Variants in PXK observed in about 807,000 individuals in gnomAD.
PXK encodes PX domain-containing protein kinase-like protein.
A neutral mutation model predicts 84.7 loss-of-function variants in PXK; 35 were observed. The observed-to-expected ratio is 0.41, with a 90% CI of 0.32 to 0.55. PXK has a LOEUF of 0.55. Among genes scored for constraint, PXK ranks in the 20% least tolerant of loss-of-function variants. The pLI is 0.21. For synonymous variants in PXK, 253 were observed against 260.8 expected, an observed-to-expected ratio of 0.97 and a Z score of 0.29; for missense variants, 634 against 699.7, an observed-to-expected ratio of 0.91 and a Z score of 1.06.
At chr3:58,356,521 G>A (rs1435305850) in intron 1 of PXK, among the ~76,000 whole-genome samples, 1 of 152,116 alleles carries the variant, frequency 6.6e-6, no homozygotes, top group East Asian at 1.9e-4. Flanking sequence ...TTCAAATGTC[G>A]AGTTTCTGCT....
chr3:58,424,874 G>T lies in PXK; in HGVS notation c.1651G>T (p.Ala551Ser). Residue 551 changes from alanine to serine, a missense_variant, in exon 18 of 18, where the codon GCC becomes TCC. Around this residue, in one of 3 missense-constraint regions of PXK, gnomAD observed 273 missense variants for 283.6 expected, o/e 0.96. Coordinates refer to ENST00000356151, the MANE Select transcript of PXK (RefSeq NM_017771.5). ...SQAVNGMSRG[A>S]LLSSIQNFQK... is the part of the protein sequence containing the mutation. ...GGCTGTGAATGGCATGAGCCGAGGGGCCTTGCTCAGCTCCATCCAGAATTT... is the reference window on the plus strand; with the variant it reads ...GGCTGTGAATGGCATGAGCCGAGGGTCCTTGCTCAGCTCCATCCAGAATTT... The T allele has an allele frequency of 6.2e-7, 1 of 1,614,232 alleles. No homozygotes were observed. Among genetic ancestry groups the T allele is most frequent in the Non-Finnish European group, 8.5e-7 (1 of 1,180,048 alleles).
intron 7 of PXK, among the ~76,000 whole-genome samples, chr3:58,393,840 T>G (rs1294406077): frequency 6.6e-6 from 1 of 152,232 alleles, no homozygotes; most frequent in Non-Finnish European, 1.5e-5. Flanking sequence ...CCGTATTTAC[T>G]TATTAGTTGG....
Position 58,397,109 on chromosome 3 carries a change from G to A in PXK, c.893G>A (p.Gly298Glu). 2 of 1,614,178 alleles carry A rather than the reference G, an allele frequency of 1.2e-6. No individual in the cohort carries two copies. The highest frequency in any genetic ancestry group is 1.7e-6 in the Non-Finnish European group (2 of 1,180,018). The change falls in exon 10 of 18, where the codon GGG becomes GAG. Residue 298 changes from glycine to glutamate, a missense_variant. Around this residue, in one of 3 missense-constraint regions of PXK, gnomAD observed 353 missense variants for 385.2 expected, o/e 0.92. Coordinates refer to ENST00000356151, the MANE Select transcript of PXK (RefSeq NM_017771.5). This position sits in a 1 kb window ranked among gnomAD's most constrained non-coding sequence, Gnocchi z 4.7. ...HLHASNVMLD[G>E]DTCRLLDLEN... ...CACGCCTCCAATGTGATGCTCGATG[G>A]GGACACTTGCCGGCTGCTGGACCTT...
intron 3 of PXK, among the ~76,000 whole-genome samples, chr3:58,372,923 C>T (rs1392847155): frequency 6.6e-6 from 1 of 152,088 alleles, no homozygotes; most frequent in Admixed American, 6.6e-5. Context: ...ATCAGATTAG[C>T]AGCCATCTAG....
rs1469130242 is a variant in PXK at position 58,409,914 on chromosome 3, G to C, written c.1396-176G>C. Among the ~76,000 whole-genome samples, 2 of 152,158 alleles carry C rather than the reference G, an allele frequency of 1.3e-5. No homozygotes were observed. The highest frequency in any genetic ancestry group is 2.9e-5 in the Non-Finnish European group (2 of 68,036). ...AGTCAGCATTTTTTGTTTTATTTCT[G>C]CCTTTAGTTTTGGCTGTGACTTCTT... On this transcript the variant is annotated intron_variant, in intron 15 of 17. Transcript: ENST00000356151. The surrounding 1 kb of genome is among the most constrained non-coding windows in gnomAD (Gnocchi z 4.2).
At chr3:58,354,738 G>A (rs1333334785) in intron 1 of PXK, among the ~76,000 whole-genome samples, 4 of 150,936 alleles carry the variant, frequency 2.7e-5, no homozygotes, top group East Asian at 2.0e-4. Context: ...ATGAGCCACC[G>A]CGCCTGGCCC....
In PXK at chr3:58,364,651, GC is replaced by G. The variant is rs1182590293; in HGVS notation, c.103-1222del. 1.3e-5 allele frequency among the ~76,000 whole-genome samples: 2 copies of G among 152,100 alleles called. No individual in the cohort carries two copies. The highest frequency in any genetic ancestry group is 2.9e-5 in the Non-Finnish European group (2 of 68,036). ...TGCTTGAACCCAGGAGGCGGAAGTGGCAGTGAGCTGAGATCGTGCCACTGCA... is the reference window on the plus strand; with the variant it reads ...TGCTTGAACCCAGGAGGCGGAAGTGGAGTGAGCTGAGATCGTGCCACTGCA... On this transcript the variant is annotated intron_variant, in intron 1 of 17. Transcript: ENST00000356151. This position sits in a 1 kb window ranked among gnomAD's most constrained non-coding sequence, Gnocchi z 4.3.
chr3:58,397,118 G>A lies in PXK; in HGVS notation c.902G>A (p.Cys301Tyr). The stretch of plus-strand genomic sequence containing the variant: ...AATGTGATGCTCGATGGGGACACTT[G>A]CCGGCTGCTGGACCTTGAGAATTCC... ...ASNVMLDGDTCRLLDLENSLL... is the reference protein window; with the variant it reads ...ASNVMLDGDTYRLLDLENSLL... The change falls in exon 10 of 18, where the codon TGC (cysteine) becomes TAC (tyrosine). Residue 301 changes from cysteine to tyrosine, a missense_variant. Cys to Tyr is a radical substitution (Grantham distance 194). This residue lies in a region of PXK where 353 missense variants were observed against 385.2 expected (regional missense o/e 0.92). Coordinates refer to ENST00000356151, the MANE Select transcript of PXK (RefSeq NM_017771.5). The surrounding 1 kb of genome is among the most constrained non-coding windows in gnomAD (Gnocchi z 4.7). 1 of 1,614,156 alleles carries A rather than the reference G, an allele frequency of 6.2e-7. No homozygotes were observed. Among genetic ancestry groups the A allele is most frequent in the East Asian group, 2.2e-5 (1 of 44,880 alleles).
chr3:58,354,123 C>G (rs915495570), intron 1 of PXK, among the ~76,000 whole-genome samples: 6 of 152,186 alleles, frequency 3.9e-5, no homozygotes, highest in African/African-American at 1.4e-4. Flanking sequence ...CCACCACTTT[C>G]TAGTCAAGGC....
rs559364413 is a variant in PXK, at chr3:58,354,991, C to T, written c.103-10883C>T. ...AAAATTAGCCAAGCATGGTGGTGTG[C>T]GCCTGTAGTCGCAGCTACTTGGGAG... On this transcript the variant is annotated intron_variant, in intron 1 of 17. Coordinates refer to ENST00000356151, the MANE Select transcript of PXK (RefSeq NM_017771.5). Among the ~76,000 whole-genome samples the T allele has an allele frequency of 6.6e-5, 10 of 152,012 alleles. No homozygotes were observed. The East Asian group carries it at 7.8e-4, about 12-fold the overall frequency.
Position 58,412,958 on chromosome 3 carries a change from C to T in PXK, c.1523C>T (p.Thr508Ile). Residue 508 changes from threonine (T) to isoleucine (I), a missense_variant, in exon 17 of 18, where the codon ACA (threonine) becomes ATA (isoleucine). Thr to Ile is a moderately conservative substitution (Grantham distance 89). Around this residue, in one of 3 missense-constraint regions of PXK, gnomAD observed 273 missense variants for 283.6 expected, o/e 0.96. Coordinates refer to ENST00000356151, the MANE Select transcript of PXK (RefSeq NM_017771.5). This position sits in a 1 kb window ranked among gnomAD's most constrained non-coding sequence, Gnocchi z 6.2. ...TSPSSPTPPSTSGISALPPPP... is the reference protein window; with the variant it reads ...TSPSSPTPPSISGISALPPPP... ...CCGTCATCGCCAACTCCACCCTCTA[C>T]ATCAGGTTAGTGATGGAGTAAAGTG... The T allele has an allele frequency of 6.2e-7, 1 of 1,614,158 alleles. No homozygotes were observed. Among genetic ancestry groups the T allele is most frequent in the Non-Finnish European group, 8.5e-7 (1 of 1,179,990 alleles).
rs553899755 is a variant in PXK, at chr3:58,379,021, C to G, written c.202-3493C>G. Reference sequence around the variant, plus strand: ...TACTGCAGCCTCCGCCTCCTGGGTTCAAGCAATTCTCCTGCCTCAGCCTCC... The same window carrying G: ...TACTGCAGCCTCCGCCTCCTGGGTTGAAGCAATTCTCCTGCCTCAGCCTCC... On this transcript the variant is annotated intron_variant, in intron 3 of 17. Transcript: ENST00000356151. The surrounding 1 kb of genome is among the most constrained non-coding windows in gnomAD (Gnocchi z 5.1). 1.3e-5 allele frequency among the ~76,000 whole-genome samples: 2 copies of G among 151,984 alleles called. No homozygotes were observed. The highest frequency in any genetic ancestry group is 4.2e-4 in the South Asian group (2 of 4,812).
intron 1 of PXK, among the ~76,000 whole-genome samples, chr3:58,358,139 C>A (rs1055822660): frequency 6.6e-6 from 1 of 152,136 alleles, no homozygotes; most frequent in African/African-American, 2.4e-5. Flanking sequence ...ATGTAGTTAT[C>A]ATTTCTTTGT....
At chr3:58,338,729 A>G (rs1553738808) in intron 1 of PXK, among the ~76,000 whole-genome samples, 1 of 147,812 alleles carries the variant, frequency 6.8e-6, no homozygotes, top group South Asian at 2.1e-4. Flanking sequence ...TCTGTCCCCC[A>G]GGTGGGAGTG....
At chr3:58,418,886 T>C (rs2061393335) in intron 17 of PXK, among the ~76,000 whole-genome samples, 1 of 152,214 alleles carries the variant, frequency 6.6e-6, no homozygotes, top group Non-Finnish European at 1.5e-5. Flanking sequence ...GAAGGTCTGC[T>C]TAAAATTCAA....
In PXK at chr3:58,411,460, G is replaced by A. The variant is rs62258129; in HGVS notation, c.1465+1301G>A. ...TGAATGCTGTTGTGGCTGGTGGGTAGTTTCAGTTGGAAGCCTATCTTCGCC... is the reference window on the plus strand; with the variant it reads ...TGAATGCTGTTGTGGCTGGTGGGTAATTTCAGTTGGAAGCCTATCTTCGCC... On this transcript the variant is annotated intron_variant, in intron 16 of 17. Coordinates refer to ENST00000356151, the MANE Select transcript of PXK (RefSeq NM_017771.5). The surrounding 1 kb of genome is among the most constrained non-coding windows in gnomAD (Gnocchi z 4.2). Among the ~76,000 whole-genome samples, 45,063 of 152,102 alleles carry A rather than the reference G, an allele frequency of 0.3. 7,439 individuals are homozygous for A. The highest frequency in any genetic ancestry group is 0.39 in the Middle Eastern group (116 of 294).
In PXK at chr3:58,397,524, C is replaced by A; in HGVS notation, c.985-81C>A. 2 of 1,208,068 alleles carry A rather than the reference C, an allele frequency of 1.7e-6. No individual in the cohort carries two copies. Among genetic ancestry groups the A allele is most frequent in the Non-Finnish European group, 2.5e-6 (2 of 815,056 alleles). 74.8% of individuals were successfully genotyped at this position (1,208,068 alleles called of 1,614,324 possible). ...GGGGCTATCCCTGGGCTTTGTTTCT[C>A]AGAGAAGCCTTGGGGCAGGAGCGCG... On this transcript the variant is annotated intron_variant, in intron 10 of 17. Coordinates refer to ENST00000356151, the MANE Select transcript of PXK (RefSeq NM_017771.5). This position sits in a 1 kb window ranked among gnomAD's most constrained non-coding sequence, Gnocchi z 4.7.
intron 1 of PXK, among the ~76,000 whole-genome samples, chr3:58,343,982 A>G (rs1334183921): frequency 2.6e-5 from 4 of 152,002 alleles, no homozygotes; most frequent in Admixed American, 6.6e-5. Flanking sequence ...ATTTCTTACT[A>G]CCTTGTTTTC....
rs1481532285 is a variant in PXK, at chr3:58,401,902, AAAAT to A, written c.1182-1956_1182-1953del. ...AGACTCCATCTCAAAAAAATAAAAT[AAAAT>A]AAAAAATAAAACAAACTGGGGGCGC... is the stretch of plus-strand genomic sequence containing the variant. On this transcript the variant is annotated intron_variant, in intron 12 of 17. Transcript: ENST00000356151. This position sits in a 1 kb window ranked among gnomAD's most constrained non-coding sequence, Gnocchi z 4.4. Among the ~76,000 whole-genome samples the A allele has an allele frequency of 3.9e-5, 6 of 152,096 alleles. No individual in the cohort carries two copies. Among genetic ancestry groups the A allele is most frequent in the Non-Finnish European group, 5.9e-5 (4 of 68,012 alleles).
Sources: allele counts gnomAD v4.1 joint callset (sites outside exome capture counted in the v4.1 genomes callset), GRCh38; gene constraint gnomAD v4.1.1; regional missense constraint gnomAD v4.1.1; non-coding constraint Gnocchi (gnomAD v3.1); transcripts MANE v1.5; gene names NCBI Gene and HGNC (gene_info 2026-07-23, HGNC 2026-07-21).